ZEB1: variants seen among roughly 807,000 people sequenced by gnomAD.
The protein encoded by ZEB1 is zinc finger E-box binding homeobox 1, also known as zinc finger E-box-binding homeobox 1.
A neutral mutation model predicts 84.9 loss-of-function variants in ZEB1; 21 were observed. The observed-to-expected ratio is 0.25, with a 90% CI of 0.18 to 0.36. ZEB1 has a LOEUF of 0.36. Among genes scored for constraint, ZEB1 ranks in the 10% least tolerant of loss-of-function variants. The probability of loss-of-function intolerance (pLI) is 1.00; values close to 1 mark genes in which losing one functional copy is unlikely to be tolerated. For synonymous variants in ZEB1, 420 were observed against 471.1 expected (o/e 0.89, Z 1.41); for missense variants, 1,104 against 1,330.2 (o/e 0.83, Z 2.65).
intron 2 of ZEB1, among the ~76,000 whole-genome samples, chr10:31,492,201 A>T (rs1166888574): frequency 1.3e-5 from 2 of 151,934 alleles, no homozygotes; most frequent in Non-Finnish European, 2.9e-5. Context: ...TACAACATTG[A>T]CTTAAGACTT....
At chr10:31,482,396 T>G (rs536363987) in intron 2 of ZEB1, among the ~76,000 whole-genome samples, 1 of 151,736 alleles carries the variant, frequency 6.6e-6, no homozygotes, top group Non-Finnish European at 1.5e-5. Context: ...CAGATTGGAT[T>G]ATCAAATTTT....
At chr10:31,320,426 C>G (rs1200980219) in intron 1 of ZEB1, 1 of 135,472 alleles carries the variant, frequency 7.4e-6, no homozygotes, top group African/African-American at 2.8e-5. Context: ...GCCGGACGCA[C>G]GGAGCGCTGA....
chr10:31,407,555 T>C (rs932633141), intron 1 of ZEB1, among the ~76,000 whole-genome samples: 3 of 152,042 alleles, frequency 2.0e-5, no homozygotes, highest in African/African-American at 7.2e-5. Flanking sequence ...GCAATAAACA[T>C]ACGTGTGCAT....
intron 2 of ZEB1, among the ~76,000 whole-genome samples, chr10:31,471,905 T>A (rs2063315263): frequency 7.0e-6 from 1 of 142,964 alleles, no homozygotes; most frequent in South Asian, 2.1e-4. Flanking sequence ...GGATTAAGAA[T>A]CTCACTCAAA....
intron 1 of ZEB1, among the ~76,000 whole-genome samples, chr10:31,385,747 C>T (rs985222546): frequency 2.6e-5 from 4 of 151,966 alleles, no homozygotes; most frequent in Non-Finnish European, 5.9e-5. Flanking sequence ...AAGCTGGTCT[C>T]GAACTCCTGA....
intron 1 of ZEB1, among the ~76,000 whole-genome samples, chr10:31,413,148 C>T (rs753143797): frequency 3.4e-4 from 52 of 152,094 alleles, no homozygotes; most frequent in Non-Finnish European, 6.5e-4. Context: ...AAGATATTAA[C>T]TGTAAAAATG....
chr10:31,447,501 T>G (rs1357345929), intron 1 of ZEB1, among the ~76,000 whole-genome samples: 2 of 132,920 alleles, frequency 1.5e-5, no homozygotes, highest in Non-Finnish European at 3.2e-5. Flanking sequence ...TGCAGTTTCT[T>G]CCTAGTCTCG....
Position 31,366,710 on chromosome 10 carries a change from A to G in ZEB1, c.58+47418A>G, listed in dbSNP as rs142904201. On this transcript the variant is annotated intron_variant, in intron 1 of 8. Coordinates refer to ENST00000424869, the MANE Select transcript of ZEB1 (RefSeq NM_001174096.2). ...TTCTTTGACCTGAAATGCAATTTCT[A>G]TCTATAAAAATCTTAGTCATTATGA... 5.1e-3 allele frequency among the ~76,000 whole-genome samples: 776 copies of G among 152,284 alleles called. 1 individual carries two copies. Among genetic ancestry groups the G allele is most frequent in the South Asian group, 0.011 (52 of 4,824 alleles).
rs1834628568 is a variant in ZEB1, at chr10:31,528,857, T to C, written c.*1593T>C. 6.6e-6 allele frequency: 1 copy of C among 152,220 alleles called. No homozygotes were observed. The highest frequency in any genetic ancestry group is 1.5e-5 in the Non-Finnish European group (1 of 68,030). The allele number at this position is 152,220 out of a possible 1,614,324, so 9.4% of individuals were successfully genotyped here. ...GTAGAACAGAACTTAAATGGGAATG[T>C]ATTAGTTTTACAACTACAATCAAGT... On this transcript the variant is annotated 3_prime_UTR_variant, in exon 9 of 9. Coordinates refer to ENST00000424869, the MANE Select transcript of ZEB1 (RefSeq NM_001174096.2).
At chr10:31,490,674 A>G (rs1217411733) in intron 2 of ZEB1, among the ~76,000 whole-genome samples, 1 of 151,512 alleles carries the variant, frequency 6.6e-6, no homozygotes, top group Non-Finnish European at 1.5e-5. Flanking sequence ...TTTTTTCCCA[A>G]TGTTGCCATT....
chr10:31,441,917 G>A (rs1336058009), intron 1 of ZEB1, among the ~76,000 whole-genome samples: 2 of 152,212 alleles, frequency 1.3e-5, no homozygotes, highest in African/African-American at 2.4e-5. Flanking sequence ...AACAGGTACT[G>A]GAGAGGATGT....
intron 1 of ZEB1, among the ~76,000 whole-genome samples, chr10:31,429,577 G>T (rs1052330277): frequency 6.6e-6 from 1 of 151,444 alleles, no homozygotes; most frequent in Admixed American, 6.6e-5. Flanking sequence ...TAACTAATGG[G>T]TACTGGGCCT....
chr10:31,319,156 G>T (rs1165427527), upstream of ZEB1: 2 of 951,016 alleles, frequency 2.1e-6, no homozygotes, highest in Non-Finnish European at 3.1e-6. Context: ...GGGGGGAGGG[G>T]TGGAGGCGGA....
intron 1 of ZEB1, among the ~76,000 whole-genome samples, chr10:31,332,283 A>G (rs2036967386): frequency 6.6e-6 from 1 of 152,202 alleles, no homozygotes; most frequent in Non-Finnish European, 1.5e-5. Context: ...GTGCATTTCT[A>G]GTCCCTGCAC....
At chr10:31,486,213 G>T (rs1004708338) in intron 2 of ZEB1, among the ~76,000 whole-genome samples, 2 of 151,692 alleles carry the variant, frequency 1.3e-5, no homozygotes, top group Admixed American at 6.6e-5. Context: ...GTTTTGGGGG[G>T]TGAAGTTAAG....
At chr10:31,452,170 A>G (rs58652071) in intron 1 of ZEB1, among the ~76,000 whole-genome samples, 2,306 of 152,250 alleles carry the variant, frequency 0.015, 44 homozygotes, top group African/African-American at 0.052. Context: ...TTACTGAATC[A>G]TTAGAATTAC....
At chr10:31,419,925 C>G (rs560742654) in intron 1 of ZEB1, among the ~76,000 whole-genome samples, 1 of 152,212 alleles carries the variant, frequency 6.6e-6, no homozygotes, top group Admixed American at 6.5e-5. Context: ...CTCATACCTC[C>G]GAAGTAGTAT....
intron 1 of ZEB1, among the ~76,000 whole-genome samples, chr10:31,458,903 T>TA (rs1159226835): frequency 6.6e-6 from 1 of 152,100 alleles, no homozygotes; most frequent in Non-Finnish European, 1.5e-5. Flanking sequence ...CCCCTTGACT[T>TA]ATGAATTATG....
At chr10:31,517,459 A>T (rs1004802738) in intron 6 of ZEB1, among the ~76,000 whole-genome samples, 3 of 151,696 alleles carry the variant, frequency 2.0e-5, no homozygotes, top group Admixed American at 6.6e-5. Flanking sequence ...TTGCCTGGAA[A>T]ATTTTTGTAT....
Sources: gnomAD v4.1 joint callset for allele counts (sites outside exome capture counted in the v4.1 genomes callset) on GRCh38, gnomAD v4.1.1 for gene constraint, MANE v1.5 for transcripts, NCBI Gene and HGNC (gene_info 2026-07-23, HGNC 2026-07-21) for gene names.